ESRRG: variants seen among roughly 807,000 people sequenced by gnomAD.
ESRRG encodes the protein estrogen-related receptor gamma.
A neutral mutation model predicts 44.0 loss-of-function variants in ESRRG; 13 were observed. The ratio of observed to expected loss-of-function variants is 0.30; its 90% CI spans 0.19 to 0.47. The LOEUF (loss-of-function observed/expected upper bound fraction) is 0.47, where lower values mean the gene tolerates loss of function less well. Among genes scored for constraint, ESRRG ranks in the 20% least tolerant of loss-of-function variants. The probability of loss-of-function intolerance (pLI) is 1.00; values close to 1 mark genes in which losing one functional copy is unlikely to be tolerated. For synonymous variants in ESRRG, 215 were observed against 214.6 expected (o/e 1.00, Z -0.02); for missense variants, 395 against 580.6 (o/e 0.68, Z 3.29).
intron 2 of ESRRG, among the ~76,000 whole-genome samples, chr1:216,900,547 G>T (rs1436883): frequency 0.084 from 12,795 of 152,042 alleles, 1,448 homozygotes; most frequent in African/African-American, 0.26. Flanking sequence ...GTCTGTTAAG[G>T]GGGGGCAAGA....
At chr1:216,909,735 T>C (rs2060097688) in intron 2 of ESRRG, among the ~76,000 whole-genome samples, 1 of 152,174 alleles carries the variant, frequency 6.6e-6, no homozygotes, top group Admixed American at 6.5e-5. Context: ...AAGCTTATAC[T>C]AGGCACCCAA....
chr1:216,969,399 C>T (rs1314623324), intron 1 of ESRRG, among the ~76,000 whole-genome samples: 1 of 151,830 alleles, frequency 6.6e-6, no homozygotes, highest in Non-Finnish European at 1.5e-5. Context: ...AGTTTTTCCT[C>T]ATCCAAATTG....
At chr1:216,602,260 T>C (rs2059350556) in intron 3 of ESRRG, among the ~76,000 whole-genome samples, 1 of 152,212 alleles carries the variant, frequency 6.6e-6, no homozygotes, top group Non-Finnish European at 1.5e-5. Context: ...TTACATTTAC[T>C]AGAAGAGGCT....
intron 4 of ESRRG, among the ~76,000 whole-genome samples, chr1:216,566,548 T>C (rs1460432906): frequency 1.3e-5 from 2 of 152,206 alleles, no homozygotes; most frequent in African/African-American, 2.4e-5. Flanking sequence ...TTTCTTTCAG[T>C]AGAGGAAATT....
intron 1 of ESRRG, among the ~76,000 whole-genome samples, chr1:217,115,487 C>T (rs1190860777): frequency 1.3e-5 from 2 of 152,136 alleles, no homozygotes; most frequent in Non-Finnish European, 2.9e-5. Context: ...CTCTCTACTG[C>T]ATATCCTATG....
At chr1:216,632,603 G>A (rs184930704) in intron 3 of ESRRG, among the ~76,000 whole-genome samples, 1 of 152,212 alleles carries the variant, frequency 6.6e-6, no homozygotes, top group East Asian at 1.9e-4. Context: ...ATTATCCTGG[G>A]TATACCAGGA....
At chr1:216,772,239 T>C (rs906356858) in intron 2 of ESRRG, among the ~76,000 whole-genome samples, 1 of 152,160 alleles carries the variant, frequency 6.6e-6, no homozygotes, top group African/African-American at 2.4e-5. Context: ...GAAGCATACC[T>C]GCAGTCCTCA....
chr1:217,026,165 T>C (rs2081148248), intron 1 of ESRRG, among the ~76,000 whole-genome samples: 1 of 152,156 alleles, frequency 6.6e-6, no homozygotes, highest in African/African-American at 2.4e-5. Flanking sequence ...TTAATTCCTG[T>C]CTGAGTTGGA....
At chr1:216,543,631 T>C (rs2053540352) in intron 5 of ESRRG, among the ~76,000 whole-genome samples, 1 of 152,070 alleles carries the variant, frequency 6.6e-6, no homozygotes, top group Non-Finnish European at 1.5e-5. Context: ...AATGTGTTTC[T>C]GGTGCTTCAC....
chr1:216,913,683 A>G (rs2818746), intron 2 of ESRRG, among the ~76,000 whole-genome samples: 55,092 of 152,182 alleles, frequency 0.36, 10,121 homozygotes, highest in Middle Eastern at 0.42. Flanking sequence ...ATGGGAATAA[A>G]AATAGCTTCC....
chr1:216,937,279 G>T (rs960589050), intron 2 of ESRRG, among the ~76,000 whole-genome samples: 3 of 152,038 alleles, frequency 2.0e-5, no homozygotes, highest in Admixed American at 1.3e-4. Context: ...ATTCTGTCTC[G>T]TTTTGCCAAA....
At chr1:216,854,948 T>A (rs1367945875) in intron 2 of ESRRG, 1 of 152,168 alleles carries the variant, frequency 6.6e-6, no homozygotes, top group African/African-American at 2.4e-5. Flanking sequence ...TTTGCTCACG[T>A]TTGGTTGCTC....
rs564724951 is a variant in ESRRG, at chr1:216,917,638, A to G, written c.-14+21944T>C. ...CCTACAACTGTCTACCTTTCCCACAAGAGCAGAGTCCACAGTTCACGTTAG... is the reference window on the plus strand; with the variant it reads ...CCTACAACTGTCTACCTTTCCCACAGGAGCAGAGTCCACAGTTCACGTTAG... On this transcript the variant is annotated intron_variant, in intron 2 of 7. Coordinates refer to the ESRRG transcript ENST00000359162. Among the ~76,000 whole-genome samples the G allele has an allele frequency of 6.6e-5, 10 of 152,286 alleles. No individual in the cohort carries two copies. In the South Asian group the frequency reaches 2.1e-3, roughly 32 times the overall value.
intron 1 of ESRRG, among the ~76,000 whole-genome samples, chr1:217,121,219 G>T (rs2092814028): frequency 6.6e-6 from 1 of 152,048 alleles, no homozygotes; most frequent in Non-Finnish European, 1.5e-5. Flanking sequence ...AAATCGCTCA[G>T]TATAACCAAA....
chr1:216,820,390 G>C (rs1373015954), intron 2 of ESRRG, among the ~76,000 whole-genome samples: 1 of 152,146 alleles, frequency 6.6e-6, no homozygotes, highest in Non-Finnish European at 1.5e-5. Flanking sequence ...ACTCATAAAG[G>C]GTTATGTAAA....
chr1:217,079,855 A>G (rs1242783670), intron 1 of ESRRG, among the ~76,000 whole-genome samples: 3 of 152,204 alleles, frequency 2.0e-5, no homozygotes, highest in Non-Finnish European at 4.4e-5. Flanking sequence ...GTGCAGTTCC[A>G]CAAGTGTTAC....
At chr1:217,003,316 C>T (rs1157559394) in intron 1 of ESRRG, among the ~76,000 whole-genome samples, 1 of 152,050 alleles carries the variant, frequency 6.6e-6, no homozygotes, top group African/African-American at 2.4e-5. Flanking sequence ...AATCAAGTCT[C>T]AGTTTCTCAA....
chr1:217,087,072 G>C (rs1354190751), intron 1 of ESRRG, among the ~76,000 whole-genome samples: 1 of 152,180 alleles, frequency 6.6e-6, no homozygotes, highest in Non-Finnish European at 1.5e-5. Context: ...TTTCTCTTGA[G>C]TATTCAGGTA....
chr1:216,564,445 G>A (rs528754574), intron 4 of ESRRG, 65 bp from the exon 5 acceptor site: 2 of 1,301,500 alleles, frequency 1.5e-6, no homozygotes, highest in Non-Finnish European at 2.1e-6. Flanking sequence ...ATAAACCCTA[G>A]AGCATTTTGT....
Sources: allele counts gnomAD v4.1 joint callset (sites outside exome capture counted in the v4.1 genomes callset), GRCh38; gene constraint gnomAD v4.1.1; transcripts MANE v1.5; gene names NCBI Gene and HGNC (gene_info 2026-07-23, HGNC 2026-07-21).